KIAA1210: variants seen among roughly 807,000 people sequenced by gnomAD.
KIAA1210 encodes acrosomal protein KIAA1210.
Under a neutral mutation model 78.9 loss-of-function variants are expected in KIAA1210, and 48 were observed. The observed-to-expected ratio is 0.61, with a 90% CI of 0.48 to 0.77. The LOEUF is 0.77. KIAA1210 is among the 30% of genes least tolerant of loss of function. The pLI is 0.00. For missense variants in KIAA1210, 1,108 were observed against 1,100.0 expected (o/e 1.01, Z -0.10); for synonymous variants, 406 against 404.5 (o/e 1.00, Z -0.04).
At chrX:119,125,083 A>C (rs1928587409) in intron 1 of KIAA1210, among the ~76,000 whole-genome samples, 1 of 111,961 alleles carries the variant, frequency 8.9e-6, no homozygotes, top group Non-Finnish European at 1.9e-5. Flanking sequence ...TTAGCAGAAA[A>C]AGAAATACAA....
At chrX:119,100,381 T>C (rs1397017390) in intron 6 of KIAA1210, among the ~76,000 whole-genome samples, 1 of 105,728 alleles carries the variant, frequency 9.5e-6, no homozygotes, top group Non-Finnish European at 1.9e-5. Flanking sequence ...CCACAGGATT[T>C]TATGAGTTGC....
At chrX:119,109,285 C>T in intron 3 of KIAA1210, 83 bp from the exon 4 acceptor site, 1 of 922,768 alleles carries the variant, frequency 1.1e-6, no homozygotes, top group Non-Finnish European at 1.5e-6. Context: ...ATATGGCCTA[C>T]CATAGATACC....
intron 2 of KIAA1210, among the ~76,000 whole-genome samples, chrX:119,146,362 T>C (rs1037608823): frequency 8.9e-6 from 1 of 111,732 alleles, no homozygotes; most frequent in African/African-American, 3.3e-5. Context: ...AGCATTCCCA[T>C]ATAATATGCT....
At chrX:119,146,690 T>C (rs1467036547) in intron 2 of KIAA1210, among the ~76,000 whole-genome samples, 2 of 110,767 alleles carry the variant, frequency 1.8e-5, no homozygotes, top group Admixed American at 1.9e-4. Flanking sequence ...TTACAGAGGG[T>C]GAGGCTGGGG....
chrX:119,140,638 CT>C (rs1290486836), intron 2 of KIAA1210, among the ~76,000 whole-genome samples: 1 of 111,176 alleles, frequency 9.0e-6, no homozygotes, highest in Non-Finnish European at 1.9e-5. Flanking sequence ...AAAGAGTTTC[CT>C]CCTTCCTCTA....
chrX:119,107,040 A>G (rs1376368625), intron 5 of KIAA1210, among the ~76,000 whole-genome samples: 2 of 111,952 alleles, frequency 1.8e-5, no homozygotes, highest in African/African-American at 6.5e-5. Context: ...TCATTTTGGT[A>G]CTTAAGGGAA....
chrX:119,103,325 G>A (rs1447567778), intron 6 of KIAA1210, among the ~76,000 whole-genome samples: 1 of 112,035 alleles, frequency 8.9e-6, no homozygotes, highest in African/African-American at 3.2e-5. Context: ...TGGCTAACAA[G>A]CACATGAAAA....
At chrX:119,140,245 C>A (rs1393537966) in intron 2 of KIAA1210, among the ~76,000 whole-genome samples, 1 of 111,515 alleles carries the variant, frequency 9.0e-6, no homozygotes, top group African/African-American at 3.3e-5. Context: ...AAAAAATGCA[C>A]AGGCCGGGTG....
chrX:119,120,817 G>C (rs746220643), intron 2 of KIAA1210, among the ~76,000 whole-genome samples: 2 of 111,868 alleles, frequency 1.8e-5, no homozygotes, highest in Non-Finnish European at 1.9e-5. Context: ...TGGTGGTATA[G>C]CTTTGTTAGC....
At chrX:119,143,666 T>C (rs1339117781) in intron 2 of KIAA1210, among the ~76,000 whole-genome samples, 1 of 112,308 alleles carries the variant, frequency 8.9e-6, no homozygotes, top group Non-Finnish European at 1.9e-5. Context: ...TTTCATTTCC[T>C]TTGGCTGTCC....
chrX:119,129,735 C>T (rs987097725), upstream of KIAA1210, among the ~76,000 whole-genome samples: 3 of 111,439 alleles, frequency 2.7e-5, no homozygotes, highest in Admixed American at 9.6e-5. Context: ...CCACGTGAAC[C>T]GTGAGTGTGG....
In KIAA1210 at chrX:119,105,140, G is replaced by T. The variant is rs746721259; in HGVS notation, c.500C>A (p.Pro167Gln). 1 of 1,200,249 alleles carries T rather than the reference G, an allele frequency of 8.3e-7. No individual in the cohort carries two copies. The highest frequency in any genetic ancestry group is 1.8e-5 in the African/African-American group (1 of 56,620). ...GATGCTGAGTCGGCGTCGGCGCGAT[G>T]GTGGGTTCTGTCAAGAGGGAGAATA... ...VAGPKITENPPSRRRRLSIIP... is the reference protein window; with the variant it reads ...VAGPKITENPQSRRRRLSIIP... The change falls in exon 6 of 12, where the codon CCA becomes CAA. Residue 167 changes from proline (P) to glutamine (Q), a missense_variant. By Grantham distance (76) the Pro-to-Gln change is moderately conservative. Around this residue, in one of 5 missense-constraint regions of KIAA1210, gnomAD observed 672 missense variants for 607.1 expected, o/e 1.11. Coordinates refer to ENST00000691062, the MANE Select transcript of KIAA1210 (RefSeq NM_001394962.1).
At chrX:119,130,193 T>G (rs749177461), upstream of KIAA1210, among the ~76,000 whole-genome samples, 3 of 112,255 alleles carry the variant, frequency 2.7e-5, no homozygotes, top group South Asian at 1.1e-3. Context: ...CAAGGCCCTC[T>G]GCAATCTGGT....
chrX:119,137,036 T>C lies in KIAA1210; in HGVS notation c.410+10437A>G, dbSNP rs139845224. The stretch of plus-strand genomic sequence containing the variant: ...GTCTCATTAGTAACCCCAAGGTCTT[T>C]ATGCACAGCTACTATGTGCTTAGAC... On this transcript the variant is annotated intron_variant, in intron 2 of 13. Transcript: ENST00000402510. Among the ~76,000 whole-genome samples, 410 of 112,661 alleles carry C rather than the reference T, an allele frequency of 3.6e-3. 2 individuals are homozygous for C. The highest frequency in any genetic ancestry group is 0.013 in the African/African-American group (395 of 31,042).
chrX:119,082,212 A>C (rs954586612), intron 11 of KIAA1210, among the ~76,000 whole-genome samples: 2 of 112,300 alleles, frequency 1.8e-5, no homozygotes, highest in Non-Finnish European at 3.8e-5. Context: ...ACCATCTGTA[A>C]TTTTTTAAAA....
chrX:119,144,995 T>C (rs1230315974), intron 2 of KIAA1210, among the ~76,000 whole-genome samples: 1 of 111,959 alleles, frequency 8.9e-6, no homozygotes, highest in Non-Finnish European at 1.9e-5. Flanking sequence ...ATGTGGTTGT[T>C]TAATTTTAAA....
chrX:119,110,447 G>A (rs1049901797), intron 3 of KIAA1210, among the ~76,000 whole-genome samples: 1 of 111,134 alleles, frequency 9.0e-6, no homozygotes, highest in African/African-American at 3.3e-5. Context: ...ATTTCTATTC[G>A]ACACTGTATG....
chrX:119,086,110 T>C (rs1192514974), intron 9 of KIAA1210, among the ~76,000 whole-genome samples: 2 of 112,536 alleles, frequency 1.8e-5, no homozygotes, highest in South Asian at 7.4e-4. Flanking sequence ...GAGACATTTA[T>C]GGCAAATTAA....
chrX:119,132,462 C>T (rs1928815543), upstream of KIAA1210, among the ~76,000 whole-genome samples: 3 of 111,149 alleles, frequency 2.7e-5, no homozygotes, highest in Admixed American at 2.9e-4. Flanking sequence ...CCCCAGCACA[C>T]CCCACTGCAA....
Sources: gnomAD v4.1 joint callset for allele counts (sites outside exome capture counted in the v4.1 genomes callset) on GRCh38, gnomAD v4.1.1 for gene constraint, gnomAD v4.1.1 regional missense constraint, MANE v1.5 for transcripts, NCBI Gene and HGNC (gene_info 2026-07-23, HGNC 2026-07-21) for gene names.